Variants in HS6ST3 observed in about 807,000 individuals in gnomAD.
The protein encoded by HS6ST3 is heparan sulfate 6-O-sulfotransferase 3.
HS6ST3 carries 12 observed loss-of-function variants against 36.7 expected under a neutral mutation model. The observed-to-expected ratio is 0.33, with a 90% CI of 0.21 to 0.53. The LOEUF (loss-of-function observed/expected upper bound fraction) is 0.53. Ranked by LOEUF, HS6ST3 falls within the 20% of genes least tolerant of loss-of-function variation. The pLI, the probability that HS6ST3 is intolerant of heterozygous loss-of-function variation, is 0.95. For missense variants in HS6ST3, 584 were observed against 640.9 expected (o/e 0.91, Z 0.96); for synonymous variants, 240 against 257.5 (o/e 0.93, Z 0.65).
intron 1 of HS6ST3, among the ~76,000 whole-genome samples, chr13:96,252,581 A>C (rs1410903096): frequency 1.3e-5 from 2 of 152,116 alleles, no homozygotes; most frequent in East Asian, 3.9e-4. Flanking sequence ...CAATCCATCA[A>C]AGTTGAGCCA....
chr13:96,506,170 C>T (rs1038549793), intron 1 of HS6ST3, among the ~76,000 whole-genome samples: 10 of 152,004 alleles, frequency 6.6e-5, no homozygotes, highest in Admixed American at 3.9e-4. Context: ...GAATTTGAAA[C>T]CGCCGTATAG....
intron 1 of HS6ST3, among the ~76,000 whole-genome samples, chr13:96,351,335 T>TTTTTTTTTTTTTTAAAA (rs1203595829): frequency 5.5e-5 from 8 of 146,404 alleles, no homozygotes; most frequent in African/African-American, 2.1e-4. Context: ...TTTTTTTTTT[T>TTTTTTTTTTTTTTAAAA]AAAAAAAACA....
chr13:96,606,593 CAGAGGGAGGGAG>C (rs1443219985), intron 1 of HS6ST3, among the ~76,000 whole-genome samples: 11 of 71,380 alleles, frequency 1.5e-4, no homozygotes, highest in Non-Finnish European at 2.2e-4. Flanking sequence ...GAGGGAGGGA[CAGAGGGAGGGAG>C]GGAGGGAGGG....
intron 1 of HS6ST3, among the ~76,000 whole-genome samples, chr13:96,286,892 G>A (rs372026773): frequency 6.6e-6 from 1 of 152,012 alleles, no homozygotes; most frequent in Non-Finnish European, 1.5e-5. Flanking sequence ...GTGAGGTGGT[G>A]TGTATATGTA....
chr13:96,306,967 A>C (rs939868135), intron 1 of HS6ST3, among the ~76,000 whole-genome samples: 15 of 152,308 alleles, frequency 9.8e-5, no homozygotes, highest in African/African-American at 3.6e-4. Flanking sequence ...ACACTGATTC[A>C]AGTAAATACA....
intron 1 of HS6ST3, among the ~76,000 whole-genome samples, chr13:96,357,639 T>G (rs892031164): frequency 2.6e-5 from 4 of 152,154 alleles, no homozygotes; most frequent in African/African-American, 9.7e-5. Flanking sequence ...CATAGCTCAC[T>G]GCAGTCTTGA....
intron 1 of HS6ST3, among the ~76,000 whole-genome samples, chr13:96,659,405 A>G (rs2056638601): frequency 2.0e-5 from 3 of 152,156 alleles, no homozygotes. Flanking sequence ...GATAGCCCAT[A>G]TATAAGCTCT....
At chr13:96,288,412 G>T (rs1375047332) in intron 1 of HS6ST3, among the ~76,000 whole-genome samples, 1 of 152,034 alleles carries the variant, frequency 6.6e-6, no homozygotes, top group Non-Finnish European at 1.5e-5. Context: ...AATGTTACCA[G>T]CTAGAATCTG....
chr13:96,672,341 T>C (rs1041569229), intron 1 of HS6ST3, among the ~76,000 whole-genome samples: 1 of 152,182 alleles, frequency 6.6e-6, no homozygotes, highest in African/African-American at 2.4e-5. Context: ...CTTTGTTACT[T>C]TGCTTAATTT....
intron 1 of HS6ST3, among the ~76,000 whole-genome samples, chr13:96,661,231 G>C (rs192863074): frequency 6.6e-6 from 1 of 152,022 alleles, no homozygotes; most frequent in African/African-American, 2.4e-5. Flanking sequence ...TACTGTTGGC[G>C]GTGTGTTGAA....
chr13:96,757,636 A>G (rs1251193351), intron 1 of HS6ST3, among the ~76,000 whole-genome samples: 1 of 152,074 alleles, frequency 6.6e-6, no homozygotes, highest in Non-Finnish European at 1.5e-5. Flanking sequence ...TATCCGATTG[A>G]TGTTTCTTTC....
At chr13:96,602,896 C>T (rs1341760115) in intron 1 of HS6ST3, among the ~76,000 whole-genome samples, 3 of 152,128 alleles carry the variant, frequency 2.0e-5, no homozygotes, top group Admixed American at 6.5e-5. Context: ...TTGCAGTGTA[C>T]TTCCTGGGTT....
intron 1 of HS6ST3, among the ~76,000 whole-genome samples, chr13:96,172,782 G>T (rs901832175): frequency 4.6e-5 from 7 of 152,144 alleles, no homozygotes; most frequent in African/African-American, 1.7e-4. Context: ...ACCTCTAAAG[G>T]TGTTGCTTAC....
chr13:96,760,861 G>C (rs1421000453), intron 1 of HS6ST3, among the ~76,000 whole-genome samples: 1 of 151,926 alleles, frequency 6.6e-6, no homozygotes, highest in African/African-American at 2.4e-5. Flanking sequence ...TAAAATTAGC[G>C]AGTTTTTGTG....
intron 1 of HS6ST3, among the ~76,000 whole-genome samples, chr13:96,488,795 A>G (rs994971096): frequency 2.3e-4 from 35 of 152,180 alleles, no homozygotes; most frequent in African/African-American, 8.4e-4. Flanking sequence ...GAATGCTTCT[A>G]CTTCATTGTT....
intron 1 of HS6ST3, among the ~76,000 whole-genome samples, chr13:96,787,423 G>T (rs1877677752): frequency 6.6e-6 from 1 of 151,982 alleles, no homozygotes; most frequent in African/African-American, 2.4e-5. Context: ...ATGCATGCAT[G>T]TATGTATGTT....
chr13:96,607,835 G>A (rs1351179557), intron 1 of HS6ST3, among the ~76,000 whole-genome samples: 4 of 152,122 alleles, frequency 2.6e-5, no homozygotes, highest in Non-Finnish European at 5.9e-5. Flanking sequence ...ATTAAGTCAG[G>A]AATTTGAATC....
intron 1 of HS6ST3, among the ~76,000 whole-genome samples, chr13:96,526,263 G>A (rs1170730109): frequency 3.3e-5 from 5 of 152,176 alleles, no homozygotes; most frequent in Non-Finnish European, 5.9e-5. Context: ...CACCGCTGAC[G>A]AGCTTGGAAT....
At chr13:96,516,140 CA>C (rs1594797985) in intron 1 of HS6ST3, among the ~76,000 whole-genome samples, 1 of 151,326 alleles carries the variant, frequency 6.6e-6, no homozygotes, top group East Asian at 2.0e-4. Context: ...CGGCTCAATG[CA>C]ACCTCTGCCT....
Sources: allele counts gnomAD v4.1 joint callset (sites outside exome capture counted in the v4.1 genomes callset), GRCh38; gene constraint gnomAD v4.1.1; transcripts MANE v1.5; gene names NCBI Gene and HGNC (gene_info 2026-07-23, HGNC 2026-07-21).